MRPS27: variants seen among roughly 807,000 people sequenced by gnomAD.
The protein encoded by MRPS27 is small ribosomal subunit protein mS27.
MRPS27 carries 43 observed loss-of-function variants against 48.9 expected under a neutral mutation model. That is an observed-to-expected ratio of 0.88 (90% CI 0.69 to 1.13). The LOEUF (loss-of-function observed/expected upper bound fraction) is 1.13. MRPS27 is among the 50% of genes most tolerant of loss of function. MRPS27 has a pLI of 0.00. For missense variants in MRPS27, 467 were observed against 476.3 expected (o/e 0.98, Z 0.18); for synonymous variants, 188 against 171.9 (o/e 1.09, Z -0.73).
At chr5:72,307,117 G>C (rs1050484595) in intron 2 of MRPS27, among the ~76,000 whole-genome samples, 3 of 152,140 alleles carry the variant, frequency 2.0e-5, no homozygotes, top group Admixed American at 1.3e-4. Context: ...ACTTGGGGAG[G>C]CCGAGGTGGG....
chr5:72,268,962 C>A (rs572390634), intron 4 of MRPS27, among the ~76,000 whole-genome samples: 1 of 152,210 alleles, frequency 6.6e-6, no homozygotes, highest in South Asian at 2.1e-4. Context: ...CTTAAGGAAG[C>A]CCATTACTGA....
At chr5:72,264,887 G>C (rs1043508637) in intron 4 of MRPS27, among the ~76,000 whole-genome samples, 1 of 152,100 alleles carries the variant, frequency 6.6e-6, no homozygotes, top group African/African-American at 2.4e-5. Context: ...GCAGCCCTAG[G>C]AAACTAAAAA....
At chr5:72,290,758 CCTAA>C (rs752981683) in intron 4 of MRPS27, among the ~76,000 whole-genome samples, 27 of 152,094 alleles carry the variant, frequency 1.8e-4, no homozygotes, top group Non-Finnish European at 2.9e-4. Context: ...AAGTATTTTG[CCTAA>C]CTGTTTTTAA....
In MRPS27 at chr5:72,286,392, G is replaced by A. The variant is rs1001234139; in HGVS notation, c.281+9139C>T. 3.9e-5 allele frequency among the ~76,000 whole-genome samples: 6 copies of A among 152,132 alleles called. No homozygotes were observed. The South Asian group carries it at 6.2e-4, about 16-fold the overall frequency. On this transcript the variant is annotated intron_variant, in intron 4 of 10. Coordinates refer to ENST00000261413, the MANE Select transcript of MRPS27 (RefSeq NM_015084.3). ...ACAGAGTAGTATTGGCATTAAAATAGATAATAGAACAGAGATCAATGGAAC... is the reference window on the plus strand; with the variant it reads ...ACAGAGTAGTATTGGCATTAAAATAAATAATAGAACAGAGATCAATGGAAC...
At chr5:72,313,486 C>T (rs951901601) in intron 2 of MRPS27, among the ~76,000 whole-genome samples, 7 of 152,168 alleles carry the variant, frequency 4.6e-5, no homozygotes, top group Non-Finnish European at 7.3e-5. Context: ...TTTTTAAAAA[C>T]TGCTCATTGA....
chr5:72,221,050 T>C lies in MRPS27; in HGVS notation c.1104A>G (p.Glu368=), dbSNP rs777014274. ...GCTCATAGGTGGCGATGTCCTCTGC[T>C]TCACAGGTGGAGAGTTTTTCCTTGA... ...QLVKEKLSTC[E]AEDIATYEQN... is the part of the protein sequence containing the mutation. The change falls in exon 11 of 11, where the codon GAA becomes GAG. Residue 368 remains glutamate, a synonymous_variant. Transcript: ENST00000261413. 1.2e-6 allele frequency: 2 copies of C among 1,614,202 alleles called. No homozygotes were observed. Among genetic ancestry groups the C allele is most frequent in the Non-Finnish European group, 1.7e-6 (2 of 1,180,024 alleles).
chr5:72,276,798 G>A lies in MRPS27; in HGVS notation c.281+18733C>T, dbSNP rs145893718. Among the ~76,000 whole-genome samples the A allele has an allele frequency of 5.3e-5, 8 of 152,090 alleles. No homozygotes were observed. The East Asian group carries it at 5.8e-4, about 11-fold the overall frequency. ...TGTAATCTCAACACTCTGTGAGGCC[G>A]AGGCGGGTGGATCACGAGGTCAGGA... On this transcript the variant is annotated intron_variant, in intron 4 of 10. Transcript: ENST00000261413.
chr5:72,271,665 A>C (rs1263677512), intron 4 of MRPS27, among the ~76,000 whole-genome samples: 3 of 152,230 alleles, frequency 2.0e-5, no homozygotes, highest in Admixed American at 1.3e-4. Context: ...TTGAATATGG[A>C]CTGTATTATA....
intron 4 of MRPS27, among the ~76,000 whole-genome samples, chr5:72,256,624 G>A (rs536096434): frequency 2.3e-4 from 35 of 152,326 alleles, no homozygotes; most frequent in African/African-American, 7.9e-4. Context: ...TGCAGTGGGT[G>A]GAACTGCAGA....
chr5:72,248,155 T>C (rs1200483762), intron 4 of MRPS27, among the ~76,000 whole-genome samples: 1 of 152,224 alleles, frequency 6.6e-6, no homozygotes, highest in Non-Finnish European at 1.5e-5. Flanking sequence ...CAAGCTAGTC[T>C]CTCATACCAA....
At chr5:72,274,071 A>G (rs1171252224) in intron 4 of MRPS27, among the ~76,000 whole-genome samples, 1 of 152,168 alleles carries the variant, frequency 6.6e-6, no homozygotes, top group Non-Finnish European at 1.5e-5. Flanking sequence ...ACTAAGACAC[A>G]GGCCAGGCAC....
chr5:72,305,509 GTTC>G (rs1302170908), intron 2 of MRPS27, among the ~76,000 whole-genome samples: 3 of 152,160 alleles, frequency 2.0e-5, no homozygotes, highest in Non-Finnish European at 4.4e-5. Context: ...CAAAAAGGAG[GTTC>G]TCCAAAAACA....
At position 72,297,710 on chromosome 5, in the gene MRPS27, G is replaced by C; in HGVS notation, c.152-8C>G. 1 of 1,545,684 alleles carries C rather than the reference G, an allele frequency of 6.5e-7. No homozygotes were observed. The highest frequency in any genetic ancestry group is 1.4e-5 in the African/African-American group (1 of 71,834). On this transcript the variant is annotated splice_region_variant and splice_polypyrimidine_tract_variant and intron_variant, in intron 2 of 10. Coordinates refer to ENST00000261413, the MANE Select transcript of MRPS27 (RefSeq NM_015084.3). ...TTAAAGATGCAAGATCAGCTGTGAA[G>C]ACAAAAAAAGAAAAAAAACCTTGTT...
intron 4 of MRPS27, among the ~76,000 whole-genome samples, chr5:72,294,131 C>T (rs1040436724): frequency 6.6e-6 from 1 of 151,918 alleles, no homozygotes; most frequent in Non-Finnish European, 1.5e-5. Context: ...ATCTAGCCTA[C>T]TTGAGGTTTA....
At chr5:72,265,994 C>T (rs917292799) in intron 4 of MRPS27, among the ~76,000 whole-genome samples, 5 of 151,750 alleles carry the variant, frequency 3.3e-5, no homozygotes, top group African/African-American at 1.2e-4. Flanking sequence ...GTGGTGTATT[C>T]GAAATTTGAA....
At chr5:72,239,888 AT>A (rs1382055596) in intron 4 of MRPS27, among the ~76,000 whole-genome samples, 1 of 152,174 alleles carries the variant, frequency 6.6e-6, no homozygotes, top group Non-Finnish European at 1.5e-5. Context: ...CCCAGGCAAC[AT>A]TTTCAAATCA....
intron 4 of MRPS27, among the ~76,000 whole-genome samples, chr5:72,257,243 T>C (rs1372074724): frequency 6.6e-6 from 1 of 152,184 alleles, no homozygotes; most frequent in Non-Finnish European, 1.5e-5. Context: ...TCTGTTATCG[T>C]TTCCAGCGCT....
intron 4 of MRPS27, among the ~76,000 whole-genome samples, chr5:72,272,237 T>A (rs1256068039): frequency 6.6e-6 from 1 of 152,184 alleles, no homozygotes; most frequent in African/African-American, 2.4e-5. Flanking sequence ...AAGAGCCATA[T>A]CAGGCCTGAT....
At chr5:72,295,427 T>C (rs902780172) in intron 4 of MRPS27, 104 bp downstream of exon 4, 29 of 796,492 alleles carry the variant, frequency 3.6e-5, no homozygotes, top group Non-Finnish European at 5.4e-5. Context: ...CTTTAAAATA[T>C]AAACTTAGAA....
Sources: gnomAD v4.1 joint callset for allele counts (sites outside exome capture counted in the v4.1 genomes callset) on GRCh38, gnomAD v4.1.1 for gene constraint, MANE v1.5 for transcripts, NCBI Gene and HGNC (gene_info 2026-07-23, HGNC 2026-07-21) for gene names.